HNRNPC: variants seen among roughly 807,000 people sequenced by gnomAD.
The protein encoded by HNRNPC is heterogeneous nuclear ribonucleoprotein C, also known as heterogeneous nuclear ribonucleoproteins C1/C2.
Under a neutral mutation model 33.2 loss-of-function variants are expected in HNRNPC, and 3 were observed. That is an observed-to-expected ratio of 0.09 (90% CI 0.04 to 0.23). The LOEUF (loss-of-function observed/expected upper bound fraction) is 0.23. Ranked by LOEUF, HNRNPC falls within the 10% of genes least tolerant of loss-of-function variation. The pLI is 1.00. For synonymous variants in HNRNPC, 121 were observed against 126.7 expected (o/e 0.96, Z 0.30); for missense variants, 143 against 366.7 (o/e 0.39, Z 4.98).
chr14:21,237,062 C>T (rs1054783789), intron 2 of HNRNPC, among the ~76,000 whole-genome samples: 17 of 152,154 alleles, frequency 1.1e-4, no homozygotes, highest in African/African-American at 4.1e-4. Context: ...GCAGTTAAAA[C>T]TTAGAAGTTT....
At chr14:21,262,257 T>C (rs1878370894) in intron 2 of HNRNPC, among the ~76,000 whole-genome samples, 1 of 152,234 alleles carries the variant, frequency 6.6e-6, no homozygotes, top group Middle Eastern at 3.2e-3. Flanking sequence ...AGGAATATGT[T>C]AAATGACAGA....
chr14:21,237,319 A>C (rs1363769906), intron 2 of HNRNPC, among the ~76,000 whole-genome samples: 1 of 152,230 alleles, frequency 6.6e-6, no homozygotes, highest in Non-Finnish European at 1.5e-5. Context: ...AGAAAAATAA[A>C]CGTGATGCAT....
At chr14:21,221,471 C>T (rs150073971) in intron 5 of HNRNPC, among the ~76,000 whole-genome samples, 83 of 152,250 alleles carry the variant, frequency 5.5e-4, no homozygotes, top group African/African-American at 1.9e-3. Context: ...TTCCATCTAC[C>T]GCTTATATGT....
At chr14:21,233,186 A>G (rs1894305907) in intron 3 of HNRNPC, among the ~76,000 whole-genome samples, 1 of 152,224 alleles carries the variant, frequency 6.6e-6, no homozygotes, top group East Asian at 1.9e-4. Context: ...AATTTCTGAA[A>G]AAGCAATCCA....
intron 3 of HNRNPC, among the ~76,000 whole-genome samples, chr14:21,231,651 G>A (rs7153521): frequency 0.74 from 112,523 of 151,996 alleles, 41,943 homozygotes; most frequent in East Asian, 0.99. Context: ...CAAGGCTAAG[G>A]CTTCATCTTC....
intron 2 of HNRNPC, among the ~76,000 whole-genome samples, chr14:21,261,055 C>T (rs1878158645): frequency 1.3e-5 from 2 of 151,912 alleles, no homozygotes; most frequent in South Asian, 4.2e-4. Flanking sequence ...CTCTCAAATC[C>T]TGGGCCAAGG....
At chr14:21,228,738 T>A (rs975279779) in intron 5 of HNRNPC, among the ~76,000 whole-genome samples, 1 of 151,952 alleles carries the variant, frequency 6.6e-6, no homozygotes, top group Admixed American at 6.6e-5. Context: ...AAAATAAAAA[T>A]GAAGAATTAC....
At chr14:21,219,841 A>G (rs926570794) in intron 5 of HNRNPC, among the ~76,000 whole-genome samples, 11 of 152,194 alleles carry the variant, frequency 7.2e-5, no homozygotes, top group South Asian at 2.1e-4. Context: ...CTGATTTATG[A>G]TATCTGCTCC....
chr14:21,239,876 G>A (rs1453312729), intron 2 of HNRNPC, among the ~76,000 whole-genome samples: 2 of 152,068 alleles, frequency 1.3e-5, no homozygotes, highest in Non-Finnish European at 2.9e-5. Flanking sequence ...TGGGTCTCAA[G>A]AGAGAAAAAG....
intron 6 of HNRNPC, among the ~76,000 whole-genome samples, 170 bp downstream of exon 6, chr14:21,212,790 C>T (rs1032195731): frequency 6.6e-6 from 1 of 152,088 alleles, no homozygotes; most frequent in Admixed American, 6.6e-5. Flanking sequence ...CTGATCCACC[C>T]GCTGGGCCTC....
At chr14:21,249,593 CAAAA>C (rs756880620) in intron 2 of HNRNPC, among the ~76,000 whole-genome samples, 7,081 of 83,494 alleles carry the variant, frequency 0.085, 226 homozygotes, top group Non-Finnish European at 0.12. Context: ...GTCTCAAAAA[CAAAA>C]AAAAAAAAAA....
intron 2 of HNRNPC, chr14:21,262,581 G>A (rs1222005051): frequency 6.6e-6 from 1 of 152,258 alleles, no homozygotes; most frequent in Admixed American, 6.5e-5. Context: ...ATGAATCCAA[G>A]TGGACCTCAC....
At chr14:21,215,638 T>C (rs1025605629) in intron 5 of HNRNPC, among the ~76,000 whole-genome samples, 1 of 152,212 alleles carries the variant, frequency 6.6e-6, no homozygotes, top group Admixed American at 6.5e-5. Context: ...TGGAGGCTCA[T>C]GCCTGTAATC....
intron 1 of HNRNPC, among the ~76,000 whole-genome samples, chr14:21,268,447 T>A (rs544732026): frequency 2.0e-5 from 3 of 152,200 alleles, no homozygotes; most frequent in African/African-American, 7.2e-5. Context: ...TTGGCAAAGA[T>A]TGCAATACAG....
chr14:21,234,321 AAC>A lies in HNRNPC; in HGVS notation c.-36-94_-36-93del, dbSNP rs1894432100. 37 of 1,184,034 alleles carry A rather than the reference AAC, an allele frequency of 3.1e-5. No individual in the cohort carries two copies. The Admixed American group carries it at 3.4e-4, about 11-fold the overall frequency. 73.3% of individuals were successfully genotyped at this position (1,184,034 alleles called of 1,614,324 possible). ...TCCACTCTCACTCTGAATCACTGTT[AAC>A]TGCCCAGAGTATTAGGCAACTTAAA... is the stretch of plus-strand genomic sequence containing the variant. On this transcript the variant is annotated intron_variant, in intron 2 of 8. Coordinates refer to ENST00000553300, the MANE Select transcript of HNRNPC (RefSeq NM_004500.4).
At chr14:21,247,674 G>A (rs915317316) in intron 2 of HNRNPC, among the ~76,000 whole-genome samples, 3 of 152,102 alleles carry the variant, frequency 2.0e-5, no homozygotes, top group Admixed American at 1.3e-4. Context: ...CCTTGGCTGG[G>A]TGTGGTGGCT....
rs554025291 is a variant in HNRNPC at position 21,216,603 on chromosome 14, G to A, written c.366-3486C>T. On this transcript the variant is annotated intron_variant, in intron 5 of 8. Transcript: ENST00000553300. ...ACATTCCTATAATCTCAGGTACTCC[G>A]GGGGCTGAGGGACAACAATCGCTTG... Among the ~76,000 whole-genome samples, 12 of 152,166 alleles carry A rather than the reference G, an allele frequency of 7.9e-5. No homozygotes were observed. In the South Asian group the frequency reaches 8.3e-4, roughly 11 times the overall value.
chr14:21,267,552 A>G (rs546155900), intron 1 of HNRNPC, among the ~76,000 whole-genome samples: 14 of 152,176 alleles, frequency 9.2e-5, no homozygotes, highest in Non-Finnish European at 1.9e-4. Context: ...TGAGGGGGAA[A>G]AAAAAGGTCA....
intron 2 of HNRNPC, among the ~76,000 whole-genome samples, chr14:21,257,661 C>T (rs1877466623): frequency 6.6e-6 from 1 of 152,082 alleles, no homozygotes; most frequent in African/African-American, 2.4e-5. Context: ...TCATAACTCA[C>T]ACTGACCTCA....
Sources: allele counts gnomAD v4.1 joint callset (sites outside exome capture counted in the v4.1 genomes callset), GRCh38; gene constraint gnomAD v4.1.1; transcripts MANE v1.5; gene names NCBI Gene and HGNC (gene_info 2026-07-23, HGNC 2026-07-21).